The following DLGAP1 variants were observed in gnomAD, a reference collection of about 807,000 sequenced individuals.
The protein encoded by DLGAP1 is DLG associated protein 1.
DLGAP1 carries 11 observed loss-of-function variants against 90.8 expected under a neutral mutation model. The ratio of observed to expected loss-of-function variants is 0.12; its 90% CI spans 0.08 to 0.20. The LOEUF (loss-of-function observed/expected upper bound fraction) is 0.20. DLGAP1 is among the 10% of genes least tolerant of loss of function. The pLI, the probability that DLGAP1 is intolerant of heterozygous loss-of-function variation, is 1.00. For synonymous variants in DLGAP1, 558 were observed against 540.7 expected (o/e 1.03, Z -0.44); for missense variants, 1,050 against 1,333.8 (o/e 0.79, Z 3.31).
chr18:4,434,994 T>A (rs2083369664), intron 1 of DLGAP1, among the ~76,000 whole-genome samples: 1 of 152,198 alleles, frequency 6.6e-6, no homozygotes, highest in South Asian at 2.1e-4. Context: ...AGACTTTAAA[T>A]GGCACACTAC....
intron 9 of DLGAP1, among the ~76,000 whole-genome samples, chr18:3,549,885 C>T (rs947993938): frequency 6.6e-6 from 1 of 151,756 alleles, no homozygotes; most frequent in Non-Finnish European, 1.5e-5. Flanking sequence ...GGAGATAGGA[C>T]CTTTATTTAA....
At chr18:3,515,998 T>C (rs1323891266) in intron 10 of DLGAP1, among the ~76,000 whole-genome samples, 1 of 152,086 alleles carries the variant, frequency 6.6e-6, no homozygotes, top group Non-Finnish European at 1.5e-5. Context: ...ATTATAGCAA[T>C]TCAGTCACAT....
chr18:3,816,752 G>A (rs898361702), intron 4 of DLGAP1, among the ~76,000 whole-genome samples: 1 of 152,092 alleles, frequency 6.6e-6, no homozygotes, highest in Non-Finnish European at 1.5e-5. Context: ...GCTAAGAAGG[G>A]GCTGAGTTTC....
At chr18:4,285,114 T>C (rs925767204) in intron 1 of DLGAP1, among the ~76,000 whole-genome samples, 12 of 152,196 alleles carry the variant, frequency 7.9e-5, no homozygotes, top group African/African-American at 2.9e-4. Context: ...TGGCAATCCC[T>C]ATATATCCTG....
rs200928400 is a variant in DLGAP1, at chr18:3,499,171, G to C, written c.*14C>G. The C allele has an allele frequency of 8.0e-5, 123 of 1,546,964 alleles. No homozygotes were observed. In the East Asian group the frequency reaches 3.0e-3, roughly 37 times the overall value. On this transcript the variant is annotated 3_prime_UTR_variant, in exon 13 of 13. Coordinates refer to ENST00000315677, the MANE Select transcript of DLGAP1 (RefSeq NM_004746.4). The surrounding 1 kb of genome is among the most constrained non-coding windows in gnomAD (Gnocchi z 6.4). ...GGACAGATGCTTGGCGGCGGCGGCC[G>C]GGCTGCGGGGCGCTCAGAGCCGGGT...
chr18:3,978,195 T>C (rs1010973498), intron 3 of DLGAP1: 1 of 426,180 alleles, frequency 2.3e-6, no homozygotes, highest in South Asian at 1.8e-5. Flanking sequence ...GCGTTGCCGA[T>C]GATCTTGAGG....
At chr18:3,968,472 T>TA (rs925983329) in intron 3 of DLGAP1, among the ~76,000 whole-genome samples, 4 of 151,990 alleles carry the variant, frequency 2.6e-5, no homozygotes, top group Non-Finnish European at 4.4e-5. Context: ...CTATACACCT[T>TA]AAAAAAAACT....
intron 7 of DLGAP1, among the ~76,000 whole-genome samples, chr18:3,677,785 A>G (rs969787590): frequency 2.6e-5 from 4 of 151,746 alleles, no homozygotes; most frequent in African/African-American, 4.8e-5. Flanking sequence ...CAGCCTCCCA[A>G]GTAGCTGGAA....
chr18:4,138,375 C>A (rs909345365), intron 2 of DLGAP1, among the ~76,000 whole-genome samples: 5 of 151,920 alleles, frequency 3.3e-5, no homozygotes, highest in African/African-American at 1.2e-4. Context: ...TTGAAATGAT[C>A]ATAAGGTTTT....
chr18:3,559,934 A>C (rs1168730239), intron 9 of DLGAP1, among the ~76,000 whole-genome samples: 1 of 152,020 alleles, frequency 6.6e-6, no homozygotes, highest in Admixed American at 6.6e-5. Flanking sequence ...ATCCACTTTC[A>C]TATAACACTA....
rs1236368560 is a variant in DLGAP1, at chr18:4,342,038, T to C, written c.-267+112968A>G. On this transcript the variant is annotated intron_variant, in intron 1 of 12. Coordinates refer to ENST00000315677, the MANE Select transcript of DLGAP1 (RefSeq NM_004746.4). This position sits in a 1 kb window ranked among gnomAD's most constrained non-coding sequence, Gnocchi z 5.8. ...GCTGAACCTGCCACACAAGATCATC[T>C]TCAGAATTTCTGAGCGGATAAAGTC... Among the ~76,000 whole-genome samples, 1 of 152,164 alleles carries C rather than the reference T, an allele frequency of 6.6e-6. No homozygotes were observed. Among genetic ancestry groups the C allele is most frequent in the East Asian group, 1.9e-4 (1 of 5,188 alleles).
chr18:4,375,100 GA>G (rs761570087), intron 1 of DLGAP1, among the ~76,000 whole-genome samples: 1 of 152,018 alleles, frequency 6.6e-6, no homozygotes, highest in Non-Finnish European at 1.5e-5. Context: ...AATTGTATTT[GA>G]GCACTCTATG....
intron 2 of DLGAP1, among the ~76,000 whole-genome samples, chr18:4,105,826 C>G (rs918134659): frequency 6.6e-6 from 1 of 151,614 alleles, no homozygotes; most frequent in Non-Finnish European, 1.5e-5. Flanking sequence ...GTCAGGAGAT[C>G]GAGACCATCC....
At chr18:4,043,989 AAAGTATTT>A (rs1400454701) in intron 2 of DLGAP1, among the ~76,000 whole-genome samples, 2 of 152,246 alleles carry the variant, frequency 1.3e-5, no homozygotes, top group African/African-American at 4.8e-5. Flanking sequence ...GTGCATTTAA[AAAGTATTT>A]AAAATTAGTA....
chr18:4,142,541 A>G (rs528286432), intron 2 of DLGAP1, among the ~76,000 whole-genome samples: 1 of 152,346 alleles, frequency 6.6e-6, no homozygotes, highest in African/African-American at 2.4e-5. Flanking sequence ...TATCTTACAG[A>G]TGTCTGAAAA....
At chr18:4,127,320 A>G (rs963839584) in intron 2 of DLGAP1, among the ~76,000 whole-genome samples, 1 of 152,224 alleles carries the variant, frequency 6.6e-6, no homozygotes, top group Non-Finnish European at 1.5e-5. Flanking sequence ...CCAAAGGGGA[A>G]AAAACATGAT....
At chr18:3,861,125 G>T (rs1474696185) in intron 4 of DLGAP1, among the ~76,000 whole-genome samples, 3 of 152,098 alleles carry the variant, frequency 2.0e-5, no homozygotes, top group African/African-American at 7.2e-5. Context: ...CTTATATAGA[G>T]AAGATCTTCA....
chr18:3,860,597 T>A (rs2069987713), intron 4 of DLGAP1, among the ~76,000 whole-genome samples: 1 of 152,230 alleles, frequency 6.6e-6, no homozygotes. Context: ...TTGAACTGCA[T>A]GGCTGTCAAT....
chr18:4,267,943 G>T (rs1336574923), intron 1 of DLGAP1, among the ~76,000 whole-genome samples: 1 of 152,194 alleles, frequency 6.6e-6, no homozygotes, highest in African/African-American at 2.4e-5. Context: ...TCTTGGAAGG[G>T]ACATACTATC....
Sources: allele counts gnomAD v4.1 joint callset (sites outside exome capture counted in the v4.1 genomes callset), GRCh38; gene constraint gnomAD v4.1.1; non-coding constraint Gnocchi (gnomAD v3.1); transcripts MANE v1.5; gene names NCBI Gene and HGNC (gene_info 2026-07-23, HGNC 2026-07-21).